RBFOX1: variants seen among roughly 807,000 people sequenced by gnomAD.
The protein encoded by RBFOX1 is RNA binding protein fox-1 homolog 1.
A neutral mutation model predicts 57.7 loss-of-function variants in RBFOX1; 8 were observed. The observed-to-expected ratio is 0.14, with a 90% CI of 0.08 to 0.25. RBFOX1 has a LOEUF of 0.25. RBFOX1 is among the 10% of genes least tolerant of loss of function. RBFOX1 has a pLI of 1.00. For missense variants in RBFOX1, 611 were observed against 548.5 expected, an observed-to-expected ratio of 1.11 and a Z score of -1.14; for synonymous variants, 326 against 222.4, an observed-to-expected ratio of 1.47 and a Z score of -4.15.
intron 2 of RBFOX1, among the ~76,000 whole-genome samples, chr16:6,325,790 G>A (rs1286830011): frequency 6.6e-6 from 1 of 152,124 alleles, no homozygotes; most frequent in East Asian, 1.9e-4. Flanking sequence ...CACAAACTTT[G>A]TCCATGTATA....
intron 2 of RBFOX1, among the ~76,000 whole-genome samples, chr16:6,321,222 C>T (rs1262590397): frequency 1.3e-5 from 2 of 152,122 alleles, no homozygotes; most frequent in African/African-American, 2.4e-5. Flanking sequence ...TCTATCATCT[C>T]ATTTCTTTGT....
At chr16:5,847,898 A>G (rs1285885522) in intron 3 of RBFOX1, among the ~76,000 whole-genome samples, 2 of 151,952 alleles carry the variant, frequency 1.3e-5, no homozygotes, top group East Asian at 3.9e-4. Flanking sequence ...GATTGTCTGT[A>G]ATTGTCCAGG....
intron 3 of RBFOX1, among the ~76,000 whole-genome samples, chr16:6,740,039 T>C (rs2071577117): frequency 6.6e-6 from 1 of 152,162 alleles, no homozygotes; most frequent in African/African-American, 2.4e-5. Flanking sequence ...TCAAATAGAA[T>C]CTAACAATAT....
intron 3 of RBFOX1, among the ~76,000 whole-genome samples, chr16:5,716,896 C>T (rs2051722464): frequency 6.6e-6 from 1 of 152,148 alleles, no homozygotes; most frequent in African/African-American, 2.4e-5. Context: ...GCCTGTCATC[C>T]CTGGTCACCT....
chr16:6,650,693 C>T (rs554764967), intron 2 of RBFOX1, among the ~76,000 whole-genome samples: 5 of 152,184 alleles, frequency 3.3e-5, no homozygotes, highest in African/African-American at 1.2e-4. Flanking sequence ...TACGAGTCTT[C>T]ACCTTATGAT....
intron 3 of RBFOX1, among the ~76,000 whole-genome samples, chr16:6,920,141 T>G (rs2074139940): frequency 6.6e-6 from 1 of 152,232 alleles, no homozygotes; most frequent in Non-Finnish European, 1.5e-5. Flanking sequence ...TGAGTCATAT[T>G]CTATGGTGTA....
At chr16:7,594,713 A>G (rs537716922) in intron 7 of RBFOX1, among the ~76,000 whole-genome samples, 2 of 152,176 alleles carry the variant, frequency 1.3e-5, no homozygotes, top group Non-Finnish European at 2.9e-5. Context: ...TTTCTTTGCT[A>G]CCTGTTGATA....
In RBFOX1 at chr16:6,222,285, T is replaced by G. The variant is rs548620547; in HGVS notation, c.-126-94710T>G. On this transcript the variant is annotated intron_variant, in intron 1 of 15. Transcript: ENST00000550418. ...TGTAAATCAAAATTATTTCTGACCT[T>G]CTTCTATACCTTGCTGTCTTCCGCT... Among the ~76,000 whole-genome samples the G allele has an allele frequency of 3.3e-5, 5 of 152,290 alleles. No individual in the cohort carries two copies. In the East Asian group the frequency reaches 7.7e-4, roughly 23 times the overall value.
chr16:5,908,504 C>A (rs1029349156), intron 4 of RBFOX1, among the ~76,000 whole-genome samples: 1 of 151,872 alleles, frequency 6.6e-6, no homozygotes, highest in Admixed American at 6.6e-5. Context: ...AGGTGCCTGC[C>A]ACCATGCCCG....
intron 1 of RBFOX1, among the ~76,000 whole-genome samples, chr16:6,031,585 CTGTA>C (rs1179000609): frequency 6.6e-6 from 1 of 152,152 alleles, no homozygotes. Flanking sequence ...ACACACATCT[CTGTA>C]TGTGTGCAAA....
intron 3 of RBFOX1, among the ~76,000 whole-genome samples, chr16:5,752,442 C>T (rs751751555): frequency 1.3e-5 from 2 of 152,196 alleles, no homozygotes; most frequent in Non-Finnish European, 2.9e-5. Flanking sequence ...AGACATTTTG[C>T]TCCAAACATT....
chr16:7,703,759 T>C lies in RBFOX1; in HGVS notation c.996-5297T>C, dbSNP rs12448737. Among the ~76,000 whole-genome samples, 14 of 152,100 alleles carry C rather than the reference T, an allele frequency of 9.2e-5. 1 individual carries two copies. The South Asian group carries it at 2.9e-3, about 32-fold the overall frequency. On this transcript the variant is annotated intron_variant, in intron 14 of 15. Transcript: ENST00000550418. ...TCCCATTCAAGAGGCTGCATACTTA[T>C]TCATTTTGCTCCAACACAACCTTAA...
chr16:7,630,081 C>T (rs1360365343), intron 10 of RBFOX1, among the ~76,000 whole-genome samples: 4 of 151,982 alleles, frequency 2.6e-5, no homozygotes, highest in African/African-American at 4.8e-5. Context: ...TGTATGCTTA[C>T]TATTGATTGA....
chr16:6,833,949 G>A (rs994936155), intron 3 of RBFOX1, among the ~76,000 whole-genome samples: 6 of 152,132 alleles, frequency 3.9e-5, no homozygotes, highest in Non-Finnish European at 7.4e-5. Flanking sequence ...TGTGACAAGG[G>A]GCTAGAGACA....
rs146044443 is a variant in RBFOX1 at position 6,849,328 on chromosome 16, A to G, written c.-16+194678A>G. ...AATCGTGTTCATTTTTAAGAGAAAT[A>G]GATTATGACAAAAGTAGAAAAAATA... On this transcript the variant is annotated intron_variant, in intron 3 of 15. Transcript: ENST00000550418. 6.6e-3 allele frequency among the ~76,000 whole-genome samples: 1,000 copies of G among 152,312 alleles called. 21 individuals carry two copies. The highest frequency in any genetic ancestry group is 0.023 in the African/African-American group (960 of 41,574).
intron 4 of RBFOX1, among the ~76,000 whole-genome samples, chr16:7,163,103 T>A (rs1403918401): frequency 6.6e-6 from 1 of 152,202 alleles, no homozygotes; most frequent in East Asian, 1.9e-4. Flanking sequence ...CATAAATAAT[T>A]CCTAAGTTAC....
At chr16:6,876,515 CAGT>C (rs2061876287) in intron 3 of RBFOX1, among the ~76,000 whole-genome samples, 1 of 151,934 alleles carries the variant, frequency 6.6e-6, no homozygotes, top group Non-Finnish European at 1.5e-5. Context: ...ACCTAGCACA[CAGT>C]AGGCATTTAA....
chr16:5,782,754 A>C (rs1597232431), intron 3 of RBFOX1, among the ~76,000 whole-genome samples: 1 of 152,204 alleles, frequency 6.6e-6, no homozygotes, highest in East Asian at 1.9e-4. Flanking sequence ...AGCAATCTGG[A>C]GACTCATGAA....
chr16:6,218,758 C>T (rs1049954741), intron 1 of RBFOX1, among the ~76,000 whole-genome samples: 1 of 151,982 alleles, frequency 6.6e-6, no homozygotes, highest in Non-Finnish European at 1.5e-5. Context: ...CACTGGTTCC[C>T]GGTCTCCTTC....
Sources: gnomAD v4.1 joint callset for allele counts (sites outside exome capture counted in the v4.1 genomes callset) on GRCh38, gnomAD v4.1.1 for gene constraint, MANE v1.5 for transcripts, NCBI Gene and HGNC (gene_info 2026-07-23, HGNC 2026-07-21) for gene names.